RAB40C: variants seen among roughly 807,000 people sequenced by gnomAD.
The protein encoded by RAB40C is RAB40C, member RAS oncogene family, also known as ras-related protein Rab-40C.
RAB40C carries 8 observed loss-of-function variants against 28.1 expected under a neutral mutation model. The observed-to-expected ratio is 0.28, with a 90% confidence interval of 0.17 to 0.51. The LOEUF (loss-of-function observed/expected upper bound fraction) is 0.51, where lower values mean the gene tolerates loss of function less well. Among genes scored for constraint, RAB40C ranks in the 20% least tolerant of loss-of-function variants. The pLI is 0.97. For synonymous variants in RAB40C, 201 were observed against 171.7 expected, an observed-to-expected ratio of 1.17 and a Z score of -1.34; for missense variants, 288 against 405.9, an observed-to-expected ratio of 0.71 and a Z score of 2.50.
Position 617,252 on chromosome 16 carries a change from G to C in RAB40C, c.187G>C (p.Val63Leu), listed in dbSNP as rs754957777. The C allele has an allele frequency of 6.2e-7, 1 of 1,614,156 alleles. No homozygotes were observed. The highest frequency in any genetic ancestry group is 1.7e-5 in the Admixed American group (1 of 60,030). The change falls in exon 2 of 6, where the codon GTG becomes CTG. Residue 63 changes from valine (V) to leucine (L), a missense_variant. Physicochemically the swap from Val to Leu is conservative, Grantham distance 32. This residue lies in a region of RAB40C where 78 missense variants were observed against 88.2 expected (regional missense o/e 0.88). Transcript: ENST00000248139. ...CACCATCCTGCTGGACGGCCGGCGC[G>C]TGAAGCTGGAGCTCTGGTGAGTTGG... Reference protein sequence around the residue: ...TTTILLDGRRVKLELWDTSGQ... With the variant: ...TTTILLDGRRLKLELWDTSGQ...
rs577115991 is a variant in RAB40C at position 613,553 on chromosome 16, G to A, written c.143-3655G>A. On this transcript the variant is annotated intron_variant, in intron 1 of 5. Transcript: ENST00000248139. ...TTTCTGCGAGGCTGGATCGTGGTGC[G>A]GTGGTGGCTTGGATGGGTTTCTCTG... Among the ~76,000 whole-genome samples, 15 of 152,374 alleles carry A rather than the reference G, an allele frequency of 9.8e-5. No individual in the cohort carries two copies. In the South Asian group the frequency reaches 2.1e-3, roughly 21 times the overall value.
At chr16:600,075 G>A (rs1295794640) in intron 1 of RAB40C, among the ~76,000 whole-genome samples, 3 of 152,170 alleles carry the variant, frequency 2.0e-5, no homozygotes, top group Non-Finnish European at 2.9e-5. Flanking sequence ...GCAAAGTTTT[G>A]TTCCCTTGTG....
intron 1 of RAB40C, among the ~76,000 whole-genome samples, chr16:605,900 A>T (rs1044612866): frequency 6.6e-6 from 1 of 152,180 alleles, no homozygotes; most frequent in Non-Finnish European, 1.5e-5. Context: ...AGAGAGGGAG[A>T]GTCCTGTTTG....
At chr16:599,603 C>T (rs1004595060) in intron 1 of RAB40C, among the ~76,000 whole-genome samples, 1 of 151,984 alleles carries the variant, frequency 6.6e-6, no homozygotes, top group Admixed American at 6.6e-5. Flanking sequence ...CATCAGTCAG[C>T]GTGGATTCAG....
At chr16:625,073 G>C (rs1236877893) in intron 3 of RAB40C, 1 of 1,288,706 alleles carries the variant, frequency 7.8e-7, no homozygotes, top group Admixed American at 2.4e-5. Flanking sequence ...TTCACTGATG[G>C]ACTGGCCGAG....
chr16:602,380 A>C (rs966828328), intron 1 of RAB40C, among the ~76,000 whole-genome samples: 1 of 151,550 alleles, frequency 6.6e-6, no homozygotes, highest in Non-Finnish European at 1.5e-5. Context: ...TCAGCCTCTC[A>C]AGTAGCTAAG....
chr16:608,249 T>G (rs2036405499), intron 1 of RAB40C, among the ~76,000 whole-genome samples: 1 of 152,118 alleles, frequency 6.6e-6, no homozygotes, highest in African/African-American at 2.4e-5. Flanking sequence ...AACCATCAGG[T>G]GTCGGGAGAA....
intron 1 of RAB40C, among the ~76,000 whole-genome samples, chr16:611,493 C>G (rs1244627624): frequency 1.3e-5 from 2 of 152,214 alleles, no homozygotes; most frequent in Admixed American, 1.3e-4. Flanking sequence ...GTCCCTGTGT[C>G]CCTGCTTGAC....
intron 3 of RAB40C, among the ~76,000 whole-genome samples, chr16:620,185 G>A (rs2036681846): frequency 6.6e-6 from 1 of 152,208 alleles, no homozygotes; most frequent in Admixed American, 6.5e-5. Flanking sequence ...ACGAGGTCAA[G>A]AGTTGGAGAC....
intron 2 of RAB40C, 117 bp from the exon 3 acceptor site, chr16:618,083 C>G (rs1017926497): frequency 4.4e-6 from 4 of 900,798 alleles, no homozygotes; most frequent in Non-Finnish European, 5.2e-6. Context: ...CTCATTGGCA[C>G]CTGTCCTGGC....
chr16:627,669 T>G lies in RAB40C; in HGVS notation c.*47T>G. 6.6e-7 allele frequency: 1 copy of G among 1,526,466 alleles called. No individual in the cohort carries two copies. Among genetic ancestry groups the G allele is most frequent in the Non-Finnish European group, 8.8e-7 (1 of 1,135,754 alleles). The allele number at this position is 1,526,466 out of a possible 1,614,324, so 94.6% of individuals were successfully genotyped here. ...GTGCAGATGCCAGGAGGGCTCGAGC[T>G]GGACACTCCTGGCTGGACGCCAGGC... On this transcript the variant is annotated 3_prime_UTR_variant, in exon 6 of 6. Coordinates refer to ENST00000248139, the MANE Select transcript of RAB40C (RefSeq NM_021168.5).
chr16:617,397 T>C, intron 2 of RAB40C, 129 bp downstream of exon 2: 1 of 1,078,452 alleles, frequency 9.3e-7, no homozygotes, highest in East Asian at 2.4e-5. Flanking sequence ...ACACAGCCCC[T>C]GTTTAAACAT....
At chr16:608,548 T>C (rs1401222960) in intron 1 of RAB40C, among the ~76,000 whole-genome samples, 2 of 152,146 alleles carry the variant, frequency 1.3e-5, no homozygotes, top group Non-Finnish European at 2.9e-5. Flanking sequence ...AGACAAATGG[T>C]TGTGGCATTC....
At chr16:625,576 A>G in intron 4 of RAB40C, 67 bp downstream of exon 4, 4 of 1,513,510 alleles carry the variant, frequency 2.6e-6, no homozygotes, top group Non-Finnish European at 3.6e-6. Context: ...GGCCCCGGGT[A>G]GGCTCTGGAT....
intron 1 of RAB40C, among the ~76,000 whole-genome samples, chr16:591,783 G>A (rs1294384318): frequency 6.6e-6 from 1 of 152,080 alleles, no homozygotes; most frequent in African/African-American, 2.4e-5. Flanking sequence ...TTTTAGTAGA[G>A]ACGGGGTTTC....
intron 1 of RAB40C, among the ~76,000 whole-genome samples, chr16:615,886 C>T (rs145255564): frequency 0.16 from 24,171 of 151,422 alleles, 2,531 homozygotes; most frequent in Middle Eastern, 0.32. Context: ...CGCTTGAACC[C>T]GGGAGGTGGA....
At chr16:625,588 C>G (rs1245359047) in intron 4 of RAB40C, 79 bp downstream of exon 4, 7 of 1,425,874 alleles carry the variant, frequency 4.9e-6, no homozygotes, top group Admixed American at 1.8e-5. Flanking sequence ...GCTCTGGATT[C>G]CCGCCTGCCG....
At chr16:599,467 G>A (rs915893961) in intron 1 of RAB40C, among the ~76,000 whole-genome samples, 8 of 152,270 alleles carry the variant, frequency 5.3e-5, no homozygotes, top group Non-Finnish European at 8.8e-5. Flanking sequence ...TTGGGGCCAC[G>A]CCGTGCCTCC....
intron 4 of RAB40C, 128 bp downstream of exon 4, chr16:625,637 C>T: frequency 9.7e-7 from 1 of 1,032,408 alleles, no homozygotes; most frequent in African/African-American, 1.6e-5. Context: ...TGCACTGTCC[C>T]ACGGCCTACG....
Sources: allele counts gnomAD v4.1 joint callset (sites outside exome capture counted in the v4.1 genomes callset), GRCh38; gene constraint gnomAD v4.1.1; regional missense constraint gnomAD v4.1.1; transcripts MANE v1.5; gene names NCBI Gene and HGNC (gene_info 2026-07-23, HGNC 2026-07-21).